Variants in ATXN3 observed in about 807,000 individuals in gnomAD.
ATXN3 encodes ataxin-3.
Under a neutral mutation model 58.2 loss-of-function variants are expected in ATXN3, and 28 were observed. The ratio of observed to expected loss-of-function variants is 0.48; its 90% CI spans 0.36 to 0.66. ATXN3 has a LOEUF of 0.66. ATXN3 is among the 30% of genes least tolerant of loss of function. The probability of loss-of-function intolerance (pLI) is 0.00; values close to 1 mark genes in which losing one functional copy is unlikely to be tolerated. For missense variants in ATXN3, 321 were observed against 422.1 expected (o/e 0.76, Z 2.10); for synonymous variants, 113 against 138.5 (o/e 0.82, Z 1.29).
chr14:92,098,683 C>T (rs1369353423), intron 1 of ATXN3, among the ~76,000 whole-genome samples: 1 of 152,160 alleles, frequency 6.6e-6, no homozygotes, highest in Non-Finnish European at 1.5e-5. Context: ...AATTCTGTTC[C>T]ATGTTAAAAC....
At chr14:92,094,035 C>T (rs1007461306) in intron 3 of ATXN3, among the ~76,000 whole-genome samples, 9 of 151,536 alleles carry the variant, frequency 5.9e-5, no homozygotes, top group African/African-American at 1.9e-4. Context: ...CCTCCGCCTC[C>T]CAGGTTCAAG....
At chr14:92,068,343 TTTTG>T (rs1257643814) in intron 10 of ATXN3, among the ~76,000 whole-genome samples, 19 of 152,172 alleles carry the variant, frequency 1.2e-4, no homozygotes, top group Admixed American at 1.2e-3. Flanking sequence ...GTTTATTCTG[TTTTG>T]TTTGACTGGA....
At chr14:92,069,006 T>A (rs527538369) in intron 10 of ATXN3, among the ~76,000 whole-genome samples, 3 of 152,160 alleles carry the variant, frequency 2.0e-5, no homozygotes, top group Non-Finnish European at 4.4e-5. Flanking sequence ...CCACAGTTTG[T>A]GCATTCATTA....
chr14:92,095,484 C>A (rs34158455), intron 3 of ATXN3, among the ~76,000 whole-genome samples: 1 of 79,244 alleles, frequency 1.3e-5, no homozygotes, highest in African/African-American at 3.9e-5. Flanking sequence ...CCTCGTGATC[C>A]GCCCACCTCG....
At chr14:92,089,339 T>C (rs1283575582) in intron 5 of ATXN3, among the ~76,000 whole-genome samples, 1 of 137,156 alleles carries the variant, frequency 7.3e-6, no homozygotes, top group Non-Finnish European at 1.6e-5. Context: ...ACTCTTTTTT[T>C]TTTTTTTTTT....
chr14:92,093,944 GTT>G (rs10606586), intron 3 of ATXN3, 113 bp from the exon 4 acceptor site: 14,394 of 423,264 alleles, frequency 0.034, 3 homozygotes, highest in East Asian at 0.075. Flanking sequence ...AAGGCTATAG[GTT>G]TTTTTTTTTT....
intron 1 of ATXN3, chr14:92,097,051 G>A (rs2065484323): frequency 4.4e-6 from 2 of 452,670 alleles, no homozygotes; most frequent in South Asian, 4.1e-5. Context: ...GGTACTACAG[G>A]CACCCGCCAC....
At position 92,088,683 on chromosome 14, in the gene ATXN3, T is replaced by G. The variant is rs963244304; in HGVS notation, c.475+47A>C. ...CTGTCATCTAATGTGCCTGGTTATT[T>G]AACTACTTCGAAAGGTAACATTACA... is the stretch of plus-strand genomic sequence containing the variant. On this transcript the variant is annotated intron_variant, in intron 6 of 10. Coordinates refer to ENST00000644486, the MANE Select transcript of ATXN3 (RefSeq NM_004993.6). 5.3e-6 allele frequency: 7 copies of G among 1,317,656 alleles called. No homozygotes were observed. The African/African-American group carries it at 1.0e-4, about 19-fold the overall frequency. 81.6% of individuals were successfully genotyped at this position (1,317,656 alleles called of 1,614,324 possible).
At chr14:92,052,785 G>C (rs1003724077), upstream of ATXN3, among the ~76,000 whole-genome samples, 1 of 152,170 alleles carries the variant, frequency 6.6e-6, no homozygotes, top group Non-Finnish European at 1.5e-5. Context: ...TGAAAATTAT[G>C]CAGCTTGCCT....
At chr14:92,103,121 A>G (rs55656618) in intron 1 of ATXN3, among the ~76,000 whole-genome samples, 1 of 150,298 alleles carries the variant, frequency 6.7e-6, no homozygotes, top group Non-Finnish European at 1.5e-5. Context: ...AAAAAAAAAA[A>G]AAAAAACAAA....
At chr14:92,093,506 GATGGCCTCATGCACCACTT>G in intron 4 of ATXN3, 188 bp from the exon 5 acceptor site, 1 of 620,744 alleles carries the variant, frequency 1.6e-6, no homozygotes, top group Non-Finnish European at 2.8e-6. Flanking sequence ...TGTGCCACAA[GATGGCCTCATGCACCACTT>G]ATGGGGTCAG....
intron 9 of ATXN3, among the ~76,000 whole-genome samples, chr14:92,076,844 G>T (rs1467512622): frequency 6.8e-6 from 1 of 146,704 alleles, no homozygotes; most frequent in Non-Finnish European, 1.5e-5. Flanking sequence ...GGAGGCTGAG[G>T]CAGAATAATC....
Position 92,093,313 on chromosome 14 carries a change from T to C in ATXN3, c.326A>G (p.Glu109Gly), listed in dbSNP as rs771793716. 2 of 1,413,110 alleles carry C rather than the reference T, an allele frequency of 1.4e-6. No individual in the cohort carries two copies. 87.5% of individuals were successfully genotyped at this position (1,413,110 alleles called of 1,614,324 possible). ...YQRLRIDPIN[E>G]RSFICNYKEH... Reference sequence around the variant, plus strand: ...CTTATAATTGCATATAAATGATCTTTCATTTCTAAAAAAGAAAACAGACAA... The same window carrying C: ...CTTATAATTGCATATAAATGATCTTCCATTTCTAAAAAAGAAAACAGACAA... Residue 109 changes from glutamate (E) to glycine (G), a missense_variant, in exon 5 of 11, where the codon GAA becomes GGA. Transcript: ENST00000644486.
At position 92,064,132 on chromosome 14, in the gene ATXN3, TAATATTTGGAA is replaced by T. The variant is rs1218354229; in HGVS notation, c.*177_*187del. On this transcript the variant is annotated 3_prime_UTR_variant, in exon 11 of 11. Coordinates refer to ENST00000644486, the MANE Select transcript of ATXN3 (RefSeq NM_004993.6). Reference sequence around the variant, plus strand: ...TTTAATTGCTGAATGCCTCTTTGGCTAATATTTGGAAGATCATTATTTAGTCCTACAACCGA... The same window carrying T: ...TTTAATTGCTGAATGCCTCTTTGGCTGATCATTATTTAGTCCTACAACCGA... The T allele has an allele frequency of 2.0e-5, 8 of 409,502 alleles. No homozygotes were observed. Among genetic ancestry groups the T allele is most frequent in the Non-Finnish European group, 3.1e-5 (7 of 226,674 alleles). 25.4% of individuals were successfully genotyped at this position (409,502 alleles called of 1,614,324 possible).
At chr14:92,091,605 A>G (rs867795653) in intron 5 of ATXN3, among the ~76,000 whole-genome samples, 18 of 151,058 alleles carry the variant, frequency 1.2e-4, no homozygotes, top group African/African-American at 4.4e-4. Context: ...TTCTTGACTT[A>G]TACCTTTTTT....
chr14:92,104,644 G>A (rs183410117), intron 1 of ATXN3, among the ~76,000 whole-genome samples: 104 of 152,300 alleles, frequency 6.8e-4, no homozygotes, highest in Admixed American at 2.6e-3. Flanking sequence ...ACAAAAATAT[G>A]GCCGGGTGCG....
At chr14:92,098,453 G>T (rs1445147931) in intron 1 of ATXN3, among the ~76,000 whole-genome samples, 2 of 152,092 alleles carry the variant, frequency 1.3e-5, no homozygotes, top group Non-Finnish European at 2.9e-5. Context: ...CCAGCATGGT[G>T]GTGTGTACCT....
chr14:92,082,169 C>T (rs1270720616), intron 8 of ATXN3, 131 bp downstream of exon 8: 14 of 955,168 alleles, frequency 1.5e-5, no homozygotes, highest in Non-Finnish European at 2.1e-5. Context: ...AAGGGAAAGC[C>T]CACTATATAG....
chr14:92,086,165 T>G (rs902702788), intron 6 of ATXN3, among the ~76,000 whole-genome samples: 2 of 147,984 alleles, frequency 1.4e-5, no homozygotes, highest in Non-Finnish European at 3.0e-5. Context: ...CCCAGCACTT[T>G]GGGAGGCTGA....
Sources: allele counts gnomAD v4.1 joint callset (sites outside exome capture counted in the v4.1 genomes callset), GRCh38; gene constraint gnomAD v4.1.1; transcripts MANE v1.5; gene names NCBI Gene and HGNC (gene_info 2026-07-23, HGNC 2026-07-21).